The following SPAG16 variants were observed in gnomAD, a reference collection of about 807,000 sequenced individuals.
SPAG16 encodes sperm associated antigen 16.
A neutral mutation model predicts 80.4 loss-of-function variants in SPAG16; 86 were observed. The observed-to-expected ratio is 1.07, with a 90% confidence interval of 0.90 to 1.28. SPAG16 has a LOEUF of 1.28. Ranked by LOEUF, SPAG16 falls within the 50% of genes most tolerant of loss-of-function variation. SPAG16 has a pLI of 0.00. For missense variants in SPAG16, 870 were observed against 765.3 expected, an observed-to-expected ratio of 1.14 and a Z score of -1.61; for synonymous variants, 294 against 265.9, an observed-to-expected ratio of 1.11 and a Z score of -1.03.
chr2:214,285,870 G>C (rs1693320386), intron 15 of SPAG16, among the ~76,000 whole-genome samples: 1 of 152,094 alleles, frequency 6.6e-6, no homozygotes, highest in African/African-American at 2.4e-5. Flanking sequence ...TTAGTTTGAT[G>C]CAATCCCACT....
chr2:213,323,953 G>A (rs1174160841), intron 5 of SPAG16, among the ~76,000 whole-genome samples: 1 of 152,108 alleles, frequency 6.6e-6, no homozygotes, highest in Non-Finnish European at 1.5e-5. Flanking sequence ...GAGTAGAATG[G>A]TGGTTTCCAG....
rs972404021 is a variant in SPAG16, at chr2:214,254,655, T to G, written c.1720+105389T>G. 3.9e-5 allele frequency among the ~76,000 whole-genome samples: 6 copies of G among 152,190 alleles called. No homozygotes were observed. In the East Asian group the frequency reaches 1.2e-3, roughly 29 times the overall value. On this transcript the variant is annotated intron_variant, in intron 15 of 15. Transcript: ENST00000331683. Reference sequence around the variant, plus strand: ...ACAGTTTCCCACTGAGTTTCGTTGATTCTTTCCTTACTTAATCTTTTGTTT... The same window carrying G: ...ACAGTTTCCCACTGAGTTTCGTTGAGTCTTTCCTTACTTAATCTTTTGTTT...
intron 9 of SPAG16, among the ~76,000 whole-genome samples, chr2:213,450,613 A>AT (rs1470321855): frequency 1.3e-5 from 2 of 152,144 alleles, no homozygotes; most frequent in South Asian, 2.1e-4. Flanking sequence ...TGGCTGATCT[A>AT]TTTTTTGGAA....
intron 9 of SPAG16, among the ~76,000 whole-genome samples, chr2:213,473,547 G>T (rs567339382): frequency 6.6e-6 from 1 of 152,232 alleles, no homozygotes; most frequent in East Asian, 1.9e-4. Context: ...TAAGCCTTTG[G>T]ATCCTTTCCT....
At chr2:214,365,429 A>G (rs16851877) in intron 15 of SPAG16, among the ~76,000 whole-genome samples, 12,731 of 152,150 alleles carry the variant, frequency 0.084, 1,395 homozygotes, top group African/African-American at 0.26. Context: ...TCCTAATGTG[A>G]TCTAACAGTT....
chr2:213,419,167 A>G (rs1345444757), intron 9 of SPAG16, among the ~76,000 whole-genome samples: 1 of 141,252 alleles, frequency 7.1e-6, no homozygotes, highest in African/African-American at 2.5e-5. Context: ...TCCTAGTGCT[A>G]TTTTCTGTGT....
chr2:214,252,374 C>T (rs925364177), intron 15 of SPAG16, among the ~76,000 whole-genome samples: 1 of 151,922 alleles, frequency 6.6e-6, no homozygotes, highest in Non-Finnish European at 1.5e-5. Context: ...TATACACGTG[C>T]CATGGTGGTT....
At chr2:213,462,041 G>GTTA (rs1042985118) in intron 9 of SPAG16, among the ~76,000 whole-genome samples, 12 of 152,194 alleles carry the variant, frequency 7.9e-5, no homozygotes, top group Admixed American at 6.5e-4. Flanking sequence ...TGAAAAAAAT[G>GTTA]TTAAAAACAT....
chr2:213,641,232 T>A (rs1379854075), intron 10 of SPAG16, among the ~76,000 whole-genome samples: 2 of 152,192 alleles, frequency 1.3e-5, no homozygotes, highest in Non-Finnish European at 2.9e-5. Context: ...AAGCTGGCAG[T>A]GACAGGCCTC....
intron 9 of SPAG16, among the ~76,000 whole-genome samples, chr2:213,421,368 C>T (rs2069575320): frequency 6.6e-6 from 1 of 152,272 alleles, no homozygotes; most frequent in Non-Finnish European, 1.5e-5. Flanking sequence ...CACCAACAAA[C>T]ACAAGAGAGA....
intron 13 of SPAG16, among the ~76,000 whole-genome samples, chr2:214,082,587 GTTCGTCTT>G (rs2051454753): frequency 6.6e-6 from 1 of 152,148 alleles, no homozygotes; most frequent in African/African-American, 2.4e-5. Flanking sequence ...CTGTCACACT[GTTCGTCTT>G]TTCATCATTG....
chr2:214,059,198 A>C (rs1453351869), intron 13 of SPAG16, among the ~76,000 whole-genome samples: 7 of 51,170 alleles, frequency 1.4e-4, no homozygotes, highest in Admixed American at 2.4e-4. Context: ...ATATATATAT[A>C]TATATATATA....
At chr2:213,765,871 ATG>A (rs1294340991) in intron 10 of SPAG16, among the ~76,000 whole-genome samples, 1 of 152,190 alleles carries the variant, frequency 6.6e-6, no homozygotes, top group East Asian at 1.9e-4. Flanking sequence ...TTAAGCAGCT[ATG>A]TAGATAGGTT....
At chr2:213,867,648 T>C (rs1488277726) in intron 11 of SPAG16, among the ~76,000 whole-genome samples, 1 of 152,012 alleles carries the variant, frequency 6.6e-6, no homozygotes. Context: ...CTCGGCCGTG[T>C]TCAGTGGCTC....
chr2:213,290,999 C>A (rs560650181), intron 1 of SPAG16, among the ~76,000 whole-genome samples: 1 of 152,136 alleles, frequency 6.6e-6, no homozygotes, highest in Non-Finnish European at 1.5e-5. Flanking sequence ...GGCTTTGGAA[C>A]CAGATATTCC....
rs1243711820 is a variant in SPAG16 at position 213,490,046 on chromosome 2, CA to C, written c.1028del (p.Lys343SerfsTer2). Reference protein sequence around the residue: ...ESLSPAKFDYKLKNIFRLHEL... With the variant: ...ESLSPAKFDYXLKNIFRLHEL... ...GTCTTTCTCCAGCAAAATTTGACTA[CA>C]AGCTGAAAAACATTTTTAGACTCCA... On this transcript the variant is annotated frameshift_variant, in exon 10 of 16. Coordinates refer to ENST00000331683, the MANE Select transcript of SPAG16 (RefSeq NM_024532.5). LOFTEE classifies it high-confidence loss of function. 2 of 1,609,616 alleles carry C rather than the reference CA, an allele frequency of 1.2e-6. No individual in the cohort carries two copies. Among genetic ancestry groups the C allele is most frequent in the Non-Finnish European group, 1.7e-6 (2 of 1,178,128 alleles).
intron 11 of SPAG16, among the ~76,000 whole-genome samples, chr2:213,903,414 G>A (rs1420962684): frequency 6.6e-6 from 1 of 152,156 alleles, no homozygotes; most frequent in Admixed American, 6.5e-5. Context: ...ACACCACATG[G>A]AAACTGCCAA....
At chr2:213,930,367 T>C (rs972153122) in intron 12 of SPAG16, among the ~76,000 whole-genome samples, 6 of 152,202 alleles carry the variant, frequency 3.9e-5, no homozygotes, top group Non-Finnish European at 8.8e-5. Flanking sequence ...AATGTAAGTA[T>C]CAAGATCAAG....
chr2:213,560,077 G>T (rs994423285), intron 10 of SPAG16, among the ~76,000 whole-genome samples: 4 of 151,882 alleles, frequency 2.6e-5, no homozygotes, highest in Non-Finnish European at 5.9e-5. Context: ...AATATTGAAT[G>T]CATTCACTCA....
Sources: allele counts gnomAD v4.1 joint callset (sites outside exome capture counted in the v4.1 genomes callset), GRCh38; gene constraint gnomAD v4.1.1; transcripts MANE v1.5; gene names NCBI Gene and HGNC (gene_info 2026-07-23, HGNC 2026-07-21).